The following KLHL32 variants were observed in gnomAD, a reference collection of about 807,000 sequenced individuals.
KLHL32 encodes kelch-like protein 32.
Under a neutral mutation model 64.8 loss-of-function variants are expected in KLHL32, and 35 were observed. The observed-to-expected ratio is 0.54, with a 90% CI of 0.41 to 0.72. The LOEUF (loss-of-function observed/expected upper bound fraction) is 0.72. Among genes scored for constraint, KLHL32 ranks in the 30% least tolerant of loss-of-function variants. The pLI is 0.00. For missense variants in KLHL32, 589 were observed against 768.5 expected, an observed-to-expected ratio of 0.77 and a Z score of 2.76; for synonymous variants, 259 against 281.0, an observed-to-expected ratio of 0.92 and a Z score of 0.78.
chr6:96,953,520 C>G (rs1263313971), intron 1 of KLHL32, among the ~76,000 whole-genome samples: 2 of 151,988 alleles, frequency 1.3e-5, no homozygotes, highest in African/African-American at 4.8e-5. Context: ...ATCCAAGCTA[C>G]TCAGGAGGCT....
chr6:96,908,994 G>A, the KLHL32 span, among the ~76,000 whole-genome samples: 25 of 152,236 alleles, frequency 1.6e-4, no homozygotes, highest in African/African-American at 5.8e-4. Flanking sequence ...CGTTTGAAGG[G>A]TACAGAGACC....
chr6:97,007,610 G>A (rs1779825530), intron 3 of KLHL32, among the ~76,000 whole-genome samples: 1 of 152,130 alleles, frequency 6.6e-6, no homozygotes, highest in Non-Finnish European at 1.5e-5. Context: ...CATGTGTATG[G>A]GCTGATGTTT....
At chr6:97,089,778 T>TAAAAAAAAA (rs35560928) in intron 6 of KLHL32, among the ~76,000 whole-genome samples, 1 of 136,290 alleles carries the variant, frequency 7.3e-6, no homozygotes. Context: ...AAACTCCAGC[T>TAAAAAAAAA]AAAAAAAAAA....
the KLHL32 span, among the ~76,000 whole-genome samples, chr6:96,903,178 A>G: frequency 6.6e-6 from 1 of 152,106 alleles, no homozygotes; most frequent in African/African-American, 2.4e-5. Flanking sequence ...AGTGAAAATA[A>G]AAGAACAAAT....
At chr6:97,132,631 T>G (rs1562369262) in intron 9 of KLHL32, 22 bp from the exon 10 acceptor site, 6 of 1,533,170 alleles carry the variant, frequency 3.9e-6, no homozygotes, top group African/African-American at 1.4e-5. Context: ...TTTTTCTTTT[T>G]ATTCAATTCT....
intron 3 of KLHL32, among the ~76,000 whole-genome samples, chr6:97,005,574 G>T (rs141651600): frequency 3.6e-4 from 54 of 151,998 alleles, no homozygotes; most frequent in Non-Finnish European, 7.4e-5. Context: ...GTGATATTAG[G>T]TTGTTAATTT....
intron 3 of KLHL32, among the ~76,000 whole-genome samples, chr6:96,996,085 A>G (rs11969682): frequency 1.8e-3 from 275 of 152,276 alleles, no homozygotes; most frequent in African/African-American, 6.4e-3. Context: ...GGTACACATA[A>G]GTTACAGGGC....
chr6:97,029,151 C>T (rs1314839150), intron 3 of KLHL32, among the ~76,000 whole-genome samples: 1 of 152,168 alleles, frequency 6.6e-6, no homozygotes, highest in Non-Finnish European at 1.5e-5. Context: ...TCCACCCTTT[C>T]CTCTCCCAGA....
intron 3 of KLHL32, among the ~76,000 whole-genome samples, chr6:97,017,389 C>G (rs536765269): frequency 1.8e-4 from 28 of 152,340 alleles, no homozygotes; most frequent in African/African-American, 6.3e-4. Flanking sequence ...ATGCCCTCAT[C>G]ATTGGGAGAG....
At position 96,932,575 on chromosome 6, in the gene KLHL32, C is replaced by CCT. The variant is rs1554201325; in HGVS notation, c.-66+7549_-66+7550insCT. On this transcript the variant is annotated intron_variant, in intron 1 of 10. Transcript: ENST00000369261. The stretch of plus-strand genomic sequence containing the variant: ...CAAAGTTGTCAATTTCCCCCCCCCC[C>CCT]TTTTTTTTTTTGAGACAGATTCTCG... 4.0e-3 allele frequency among the ~76,000 whole-genome samples: 298 copies of CCT among 73,808 alleles called. 6 individuals are homozygous for CCT. The highest frequency in any genetic ancestry group is 0.016 in the African/African-American group (208 of 13,194). 48.4% of individuals were successfully genotyped at this position (73,808 alleles called of 152,430 possible).
the KLHL32 span, among the ~76,000 whole-genome samples, chr6:96,901,891 C>G: frequency 9.9e-5 from 15 of 152,198 alleles, no homozygotes; most frequent in Non-Finnish European, 1.8e-4. Flanking sequence ...CAGCTCCATC[C>G]ATGTCCCTGC....
chr6:96,936,591 A>G (rs574768221), intron 1 of KLHL32, among the ~76,000 whole-genome samples: 40 of 152,226 alleles, frequency 2.6e-4, no homozygotes, highest in Middle Eastern at 3.4e-3. Flanking sequence ...ACTTCCCACT[A>G]CCATTCTTGT....
At chr6:96,937,189 C>A (rs1770713184) in intron 1 of KLHL32, among the ~76,000 whole-genome samples, 1 of 152,206 alleles carries the variant, frequency 6.6e-6, no homozygotes, top group Admixed American at 6.5e-5. Flanking sequence ...TAGAACATTT[C>A]TGTCACCGCA....
At chr6:97,138,906 G>A (rs891588120) in intron 10 of KLHL32, among the ~76,000 whole-genome samples, 6 of 152,160 alleles carry the variant, frequency 3.9e-5, no homozygotes, top group Non-Finnish European at 7.4e-5. Context: ...ATACATGTAT[G>A]TATATATGTA....
At chr6:97,003,855 G>A (rs529982334) in intron 3 of KLHL32, among the ~76,000 whole-genome samples, 1 of 152,254 alleles carries the variant, frequency 6.6e-6, no homozygotes, top group African/African-American at 2.4e-5. Context: ...CTATGTCTCT[G>A]CTTTTGTACC....
chr6:96,953,486 C>T (rs969665660), intron 1 of KLHL32, among the ~76,000 whole-genome samples: 25 of 152,110 alleles, frequency 1.6e-4, no homozygotes, highest in Admixed American at 1.0e-3. Flanking sequence ...AAAAATTAGC[C>T]GGGTGTGGTG....
In KLHL32 at chr6:96,999,418, T is replaced by C. The variant is rs541651606; in HGVS notation, c.204+23241T>C. 17 of 370,822 alleles carry C rather than the reference T, an allele frequency of 4.6e-5. No individual in the cohort carries two copies. In the Admixed American group the frequency reaches 5.1e-4, roughly 11 times the overall value. The allele number at this position is 370,822 out of a possible 1,614,324, so 23.0% of individuals were successfully genotyped here. ...CTCAACAACAACAACAACAAAGAGTTAATTTCCGTTTTTGTTTGAATTTTG... is the reference window on the plus strand; with the variant it reads ...CTCAACAACAACAACAACAAAGAGTCAATTTCCGTTTTTGTTTGAATTTTG... On this transcript the variant is annotated intron_variant, in intron 3 of 10. Coordinates refer to ENST00000369261, the MANE Select transcript of KLHL32 (RefSeq NM_052904.4).
At chr6:97,010,727 G>C (rs1369819106) in intron 3 of KLHL32, among the ~76,000 whole-genome samples, 6 of 152,174 alleles carry the variant, frequency 3.9e-5, no homozygotes, top group Non-Finnish European at 7.3e-5. Context: ...CCTAGGGAAG[G>C]AAATAGTGGC....
chr6:97,031,505 T>G (rs1405562452), intron 3 of KLHL32, among the ~76,000 whole-genome samples: 1 of 152,044 alleles, frequency 6.6e-6, no homozygotes, highest in Non-Finnish European at 1.5e-5. Context: ...TCAGCTAATT[T>G]TTTTTTATTG....
Sources: allele counts gnomAD v4.1 joint callset (sites outside exome capture counted in the v4.1 genomes callset), GRCh38; gene constraint gnomAD v4.1.1; transcripts MANE v1.5; gene names NCBI Gene and HGNC (gene_info 2026-07-23, HGNC 2026-07-21).